UNC13D: variants seen among roughly 807,000 people sequenced by gnomAD.
The protein encoded by UNC13D is unc-13 homolog D, also known as protein unc-13 homolog D.
A neutral mutation model predicts 151.7 loss-of-function variants in UNC13D; 115 were observed. That is an observed-to-expected ratio of 0.76 (90% CI 0.65 to 0.88). The LOEUF (loss-of-function observed/expected upper bound fraction) is 0.88. UNC13D is among the 40% of genes least tolerant of loss of function. The pLI is 0.00. For synonymous variants in UNC13D, 588 were observed against 612.2 expected (o/e 0.96, Z 0.58); for missense variants, 1,369 against 1,438.7 (o/e 0.95, Z 0.78).
chr17:75,835,952 C>A (rs374259777), intron 17 of UNC13D, 46 bp from the exon 18 acceptor site: 15 of 1,613,962 alleles, frequency 9.3e-6, no homozygotes, highest in African/African-American at 1.3e-5. Flanking sequence ...ACACCAGGGT[C>A]CCCATGGTTC....
intron 12 of UNC13D, among the ~76,000 whole-genome samples, chr17:75,839,357 G>C (rs1405388710): frequency 6.8e-6 from 1 of 146,624 alleles, no homozygotes; most frequent in East Asian, 2.0e-4. Context: ...AGTGAGTCAA[G>C]ATTGCACCAT....
Position 75,842,591 on chromosome 17 carries a change from C to T in UNC13D, c.411G>A (p.Leu137=). The change falls in exon 6 of 32, where the codon CTG becomes CTA. Residue 137 remains leucine (L), a synonymous_variant. Coordinates refer to ENST00000207549, the MANE Select transcript of UNC13D (RefSeq NM_199242.3). ...CACCTACCCCCTGCTCAATGCCCAG[C>T]AGGCAGTAGGGGTCGCTGAACCCTG... ...DVSGFSDPYC[L]LGIEQGVGVP... is the part of the protein sequence containing the mutation. The T allele has an allele frequency of 2.5e-6, 4 of 1,611,856 alleles. No individual in the cohort carries two copies. The highest frequency in any genetic ancestry group is 3.4e-6 in the Non-Finnish European group (4 of 1,179,486).
At chr17:75,828,629 T>G (rs1470785776) in intron 31 of UNC13D, among the ~76,000 whole-genome samples, 158 bp downstream of exon 31, 2 of 152,230 alleles carry the variant, frequency 1.3e-5, no homozygotes, top group Non-Finnish European at 2.9e-5. Flanking sequence ...TAAAGTTCAC[T>G]GGTCTCTTGA....
In UNC13D at chr17:75,843,223, CG is replaced by C; in HGVS notation, c.196del (p.Arg66AlafsTer10). On this transcript the variant is annotated frameshift_variant, in exon 3 of 32. Transcript: ENST00000207549. LOFTEE classifies it high-confidence loss of function. ...ATGGTTGGGCTCAGGATGACCCAGG[CG>C]GTGCAAGACAGTGTAGAGTGCGTCC... The part of the protein sequence containing the change: ...YEDALYTVLH[R>X]LGHPEPNHVT... 6.2e-7 allele frequency: 1 copy of C among 1,611,216 alleles called. No homozygotes were observed. Among genetic ancestry groups the C allele is most frequent in the Non-Finnish European group, 8.5e-7 (1 of 1,179,944 alleles).
intron 6 of UNC13D, 85 bp downstream of exon 6, chr17:75,842,348 C>A: frequency 1.3e-6 from 2 of 1,531,672 alleles, no homozygotes; most frequent in Admixed American, 1.9e-5. Flanking sequence ...TGAGCCAGGA[C>A]GACCTACTCA....
intron 27 of UNC13D, 148 bp from the exon 28 acceptor site, chr17:75,830,809 A>C (rs1158108198): frequency 5.6e-6 from 6 of 1,063,194 alleles, no homozygotes; most frequent in Non-Finnish European, 8.3e-6. Flanking sequence ...GGCCACCCTC[A>C]GGCCAGACAG....
chr17:75,827,984 G>A lies in UNC13D; in HGVS notation c.3254C>T (p.Ala1085Val), dbSNP rs778060284. ...CTACGGCTACGGTGCCGGCCGCAAG[G>A]CATGCTGGGAGGCCTGCTTGGCCCG... ...RHRAKQASQH[A>V]LRPAP The change falls in exon 32 of 32, where the codon GCC becomes GTC. Residue 1085 changes from alanine (A) to valine (V), a missense_variant. This residue lies in a region of UNC13D where 807 missense variants were observed against 795.5 expected (regional missense o/e 1.01). Coordinates refer to ENST00000207549, the MANE Select transcript of UNC13D (RefSeq NM_199242.3). 11 of 1,605,144 alleles carry A rather than the reference G, an allele frequency of 6.9e-6. No individual in the cohort carries two copies. The highest frequency in any genetic ancestry group is 5.3e-5 in the African/African-American group (4 of 74,844).
intron 12 of UNC13D, among the ~76,000 whole-genome samples, chr17:75,837,156 C>A (rs2143884373): frequency 6.6e-6 from 1 of 151,892 alleles, no homozygotes; most frequent in South Asian, 2.1e-4. Flanking sequence ...ACCTGCGCCT[C>A]CTGGGTTCAA....
rs781050501 is a variant in UNC13D, at chr17:75,839,879, C to T, written c.1015G>A (p.Ala339Thr). 2.7e-5 allele frequency: 43 copies of T among 1,613,790 alleles called. No individual in the cohort carries two copies. The highest frequency in any genetic ancestry group is 1.2e-4 in the African/African-American group (9 of 74,906). ...AAGTCGGATAGGTCCTTCTGTGTGG[C>T]GTGCAGAAAGAGGACGGTGGCAGCC... ...PQAATVLFLHATQKDLSDFHQ... is the reference protein window; with the variant it reads ...PQAATVLFLHTTQKDLSDFHQ... The change falls in exon 12 of 32, where the codon GCC (alanine) becomes ACC (threonine). Residue 339 changes from alanine (A) to threonine (T), a missense_variant. Coordinates refer to ENST00000207549, the MANE Select transcript of UNC13D (RefSeq NM_199242.3).
At chr17:75,831,033 A>G (rs892170919) in intron 27 of UNC13D, 65 bp downstream of exon 27, 10 of 1,586,570 alleles carry the variant, frequency 6.3e-6, no homozygotes, top group Non-Finnish European at 8.6e-6. Flanking sequence ...GACCCTGGAC[A>G]TAGGTGAGTG....
Position 75,827,470 on chromosome 17 carries a change from C to G in UNC13D, c.*495G>C. ...CCTGGGGAGAGGACCCAGGCCCCCTCTAGTAATGGCCACCACCCTCCCCCC... is the reference window on the plus strand; with the variant it reads ...CCTGGGGAGAGGACCCAGGCCCCCTGTAGTAATGGCCACCACCCTCCCCCC... On this transcript the variant is annotated 3_prime_UTR_variant, in exon 32 of 32. Transcript: ENST00000207549. 6.8e-7 allele frequency: 1 copy of G among 1,472,190 alleles called. No homozygotes were observed. The highest frequency in any genetic ancestry group is 9.0e-7 in the Non-Finnish European group (1 of 1,113,180). 91.2% of individuals were successfully genotyped at this position (1,472,190 alleles called of 1,614,324 possible).
At chr17:75,830,541 G>T in intron 28 of UNC13D, 37 bp downstream of exon 28, 1 of 1,572,970 alleles carries the variant, frequency 6.4e-7, no homozygotes. Flanking sequence ...GGTGCTCCAG[G>T]GCCTGCAGAG....
chr17:75,842,896 C>G lies in UNC13D; in HGVS notation c.349G>C (p.Val117Leu). 1 of 1,613,686 alleles carries G rather than the reference C, an allele frequency of 6.2e-7. No homozygotes were observed. ...CCCAGAATGCCCTTGGCCTGTTTCACTGTTGCCTTCAGACAAAATATTGGC... is the reference window on the plus strand; with the variant it reads ...CCCAGAATGCCCTTGGCCTGTTTCAGTGTTGCCTTCAGACAAAATATTGGC... ...EKPIFCLKAT[V>L]KQAKGILGKD... The change falls in exon 5 of 32, where the codon GTG (valine) becomes CTG (leucine). Residue 117 changes from valine (V) to leucine (L), a missense_variant. By Grantham distance (32) the Val-to-Leu change is conservative. Transcript: ENST00000207549.
Position 75,836,656 on chromosome 17 carries a change from T to C in UNC13D, c.1214A>G (p.Tyr405Cys), listed in dbSNP as rs528245426. 1.9e-6 allele frequency: 3 copies of C among 1,613,686 alleles called. No individual in the cohort carries two copies. Among genetic ancestry groups the C allele is most frequent in the African/African-American group, 1.3e-5 (1 of 75,030 alleles). The stretch of plus-strand genomic sequence containing the variant: ...GAACCTCCGGATGAGGGAGAGGCCG[T>C]AGGTCAGCAGGGAGCTGAATGAGGC... ...LAASFSSLLT[Y>C]GLSLIRRFRS... The change falls in exon 14 of 32, where the codon TAC becomes TGC. Residue 405 changes from tyrosine (Y) to cysteine (C), a missense_variant. Transcript: ENST00000207549.
Position 75,833,878 on chromosome 17 carries a change from T to C in UNC13D, c.2367+197A>G, listed in dbSNP as rs1184248253. ...GCCGTCCCCAACTGCAGCCCCCTCA[T>C]TGACTGTCAGTGCTGGGACAGCCAG... is the stretch of plus-strand genomic sequence containing the variant. On this transcript the variant is annotated intron_variant, in intron 24 of 31. Coordinates refer to ENST00000207549, the MANE Select transcript of UNC13D (RefSeq NM_199242.3). The surrounding 1 kb of genome is among the most constrained non-coding windows in gnomAD (Gnocchi z 4.0). Among the ~76,000 whole-genome samples the C allele has an allele frequency of 6.6e-6, 1 of 152,164 alleles. No homozygotes were observed. Among genetic ancestry groups the C allele is most frequent in the African/African-American group, 2.4e-5 (1 of 41,434 alleles).
chr17:75,838,698 G>A (rs1488605488), intron 12 of UNC13D, among the ~76,000 whole-genome samples: 1 of 152,210 alleles, frequency 6.6e-6, no homozygotes, highest in Non-Finnish European at 1.5e-5. Context: ...GTTAGGGACC[G>A]GGTCCAAATT....
chr17:75,828,032 A>C lies in UNC13D; in HGVS notation c.3206T>G (p.Val1069Gly), dbSNP rs1168243989. 1 of 1,586,624 alleles carries C rather than the reference A, an allele frequency of 6.3e-7. No homozygotes were observed. Residue 1069 changes from valine to glycine, a missense_variant, in exon 32 of 32, where the codon GTC (valine) becomes GGC (glycine). Around this residue, in one of 3 missense-constraint regions of UNC13D, gnomAD observed 807 missense variants for 795.5 expected, o/e 1.01. Transcript: ENST00000207549. ...EGRKGDREAQVFVRLRRHRAK... is the reference protein window; with the variant it reads ...EGRKGDREAQGFVRLRRHRAK... The stretch of plus-strand genomic sequence containing the variant: ...CCGGTGCCGCCGCAGCCTCACAAAG[A>C]CCTGGGCTTCTCGGTCACCCTTCCG...
At position 75,827,306 on chromosome 17, in the gene UNC13D, G is replaced by T; in HGVS notation, c.*659C>A. The T allele has an allele frequency of 1.5e-6, 1 of 650,062 alleles. No individual in the cohort carries two copies. The highest frequency in any genetic ancestry group is 2.3e-6 in the Non-Finnish European group (1 of 432,266). 40.3% of individuals were successfully genotyped at this position (650,062 alleles called of 1,614,324 possible). On this transcript the variant is annotated 3_prime_UTR_variant, in exon 32 of 32. Coordinates refer to ENST00000207549, the MANE Select transcript of UNC13D (RefSeq NM_199242.3). ...GTGGCAGGTGCTGTCCGGGGAGGGGGCGTGCGCAGCAGACACAGCAGCCAA... is the reference window on the plus strand; with the variant it reads ...GTGGCAGGTGCTGTCCGGGGAGGGGTCGTGCGCAGCAGACACAGCAGCCAA...
rs2064937279 is a variant in UNC13D at position 75,840,131 on chromosome 17, G to A, written c.859-21C>T. On this transcript the variant is annotated intron_variant, in intron 10 of 31. Transcript: ENST00000207549. This position sits in a 1 kb window ranked among gnomAD's most constrained non-coding sequence, Gnocchi z 4.6. The stretch of plus-strand genomic sequence containing the variant: ...GCTCTCTGCAATGAGGCCTCTGTGA[G>A]CAGACAGGGCCTCACACTGGGTGCA... The A allele has an allele frequency of 2.5e-6, 4 of 1,611,740 alleles. No homozygotes were observed. The highest frequency in any genetic ancestry group is 1.3e-5 in the African/African-American group (1 of 74,900).
Sources: gnomAD v4.1 joint callset for allele counts (sites outside exome capture counted in the v4.1 genomes callset) on GRCh38, gnomAD v4.1.1 for gene constraint, gnomAD v4.1.1 regional missense constraint, Gnocchi (gnomAD v3.1) non-coding constraint, MANE v1.5 for transcripts, NCBI Gene and HGNC (gene_info 2026-07-23, HGNC 2026-07-21) for gene names.